The following RYR2 variants were observed in gnomAD, a reference collection of about 807,000 sequenced individuals.
RYR2 encodes cardiac muscle ryanodine receptor-calcium release channel.
In RYR2, 227 loss-of-function variants were observed where a neutral mutation model predicts 601.1. That is an observed-to-expected ratio of 0.38 (90% CI 0.34 to 0.42). The LOEUF is 0.42. Among genes scored for constraint, RYR2 ranks in the 10% least tolerant of loss-of-function variants. RYR2 has a pLI of 1.00. For missense variants in RYR2, 4,646 were observed against 6,156.5 expected (o/e 0.75, Z 8.21); for synonymous variants, 2,223 against 2,175.1 (o/e 1.02, Z -0.61).
In RYR2 at chr1:237,610,693, C is replaced by A; in HGVS notation, c.4684-69C>A. The A allele has an allele frequency of 7.9e-7, 1 of 1,262,702 alleles. No homozygotes were observed. The highest frequency in any genetic ancestry group is 1.4e-5 in the South Asian group (1 of 71,380). The allele number at this position is 1,262,702 out of a possible 1,614,324, so 78.2% of individuals were successfully genotyped here. A position where few individuals can be genotyped will look rare whatever the true frequency, so the allele number is the denominator to read the frequency against. On this transcript the variant is annotated intron_variant, in intron 35 of 104. Coordinates refer to ENST00000366574, the MANE Select transcript of RYR2 (RefSeq NM_001035.3). This position sits in a 1 kb window ranked among gnomAD's most constrained non-coding sequence, Gnocchi z 4.9. ...CCCTGTCTCTGTCCTGTGCAGAATT[C>A]TAGTCATTACTTTGTGAACCCCAAG...
Position 237,315,379 on chromosome 1 carries a change from ATTATT to A in RYR2, c.169-15495_169-15491del, listed in dbSNP as rs1169187134. 1.1e-4 allele frequency among the ~76,000 whole-genome samples: 17 copies of A among 152,210 alleles called. No homozygotes were observed. In the East Asian group the frequency reaches 3.3e-3, roughly 29 times the overall value. On this transcript the variant is annotated intron_variant, in intron 2 of 104. Coordinates refer to ENST00000366574, the MANE Select transcript of RYR2 (RefSeq NM_001035.3). ...TTTTAGACCATCATCAAGTTTTTAC[ATTATT>A]TTAACAATCTACTCTTGAAAAATCA...
chr1:237,382,516 TCCCTCCC>T (rs1701610670), intron 8 of RYR2, among the ~76,000 whole-genome samples: 2 of 111,082 alleles, frequency 1.8e-5, no homozygotes, highest in African/African-American at 7.4e-5. Context: ...CCTAATGTTA[TCCCTCCC>T]CCCTCCCCCC....
At chr1:237,628,318 C>A (rs1320967731) in intron 41 of RYR2, among the ~76,000 whole-genome samples, 1 of 151,706 alleles carries the variant, frequency 6.6e-6, no homozygotes, top group Non-Finnish European at 1.5e-5. Flanking sequence ...GCGCTGCACC[C>A]ACTAACTCGT....
In RYR2 at chr1:237,830,679, G is replaced by A. The variant is rs769301521; in HGVS notation, c.14756+49G>A. On this transcript the variant is annotated intron_variant, in intron 103 of 104. Coordinates refer to ENST00000366574, the MANE Select transcript of RYR2 (RefSeq NM_001035.3). ...TTCCACCTCTCCAGTAGACGCCACT[G>A]GTCCCTGCCCATCTCAGAATAGAGA... The A allele has an allele frequency of 1.0e-5, 9 of 890,090 alleles. No homozygotes were observed. In the East Asian group the frequency reaches 2.0e-4, roughly 19 times the overall value. The allele number at this position is 890,090 out of a possible 1,614,324, so 55.1% of individuals were successfully genotyped here.
At chr1:237,104,562 G>A (rs975372864) in intron 1 of RYR2, among the ~76,000 whole-genome samples, 2 of 152,264 alleles carry the variant, frequency 1.3e-5, no homozygotes, top group Middle Eastern at 3.4e-3. Flanking sequence ...TGCAGGTGCT[G>A]TTCCCTTGCC....
chr1:237,488,750 A>C (rs1377152313), intron 17 of RYR2, among the ~76,000 whole-genome samples: 2 of 151,978 alleles, frequency 1.3e-5, no homozygotes, highest in Non-Finnish European at 2.9e-5. Context: ...TACTTTGTAC[A>C]CCTACCCCAA....
At chr1:237,315,955 A>G (rs1380076767) in intron 2 of RYR2, among the ~76,000 whole-genome samples, 2 of 152,164 alleles carry the variant, frequency 1.3e-5, no homozygotes, top group African/African-American at 4.8e-5. Context: ...AATCTCTGAC[A>G]GGTCTAACGT....
At chr1:237,315,875 A>G (rs1054692539) in intron 2 of RYR2, among the ~76,000 whole-genome samples, 1 of 152,248 alleles carries the variant, frequency 6.6e-6, no homozygotes, top group Non-Finnish European at 1.5e-5. Flanking sequence ...CTTTATACCA[A>G]AAATTTAAGA....
At chr1:237,248,390 A>C (rs1179380683) in intron 1 of RYR2, among the ~76,000 whole-genome samples, 1 of 149,816 alleles carries the variant, frequency 6.7e-6, no homozygotes, top group Non-Finnish European at 1.5e-5. Context: ...TATTTGACTA[A>C]GTCATGTTTT....
At chr1:237,437,375 C>T (rs1452164597) in intron 12 of RYR2, among the ~76,000 whole-genome samples, 1 of 152,094 alleles carries the variant, frequency 6.6e-6, no homozygotes, top group African/African-American at 2.4e-5. Context: ...TTTTAATATT[C>T]ATTTGAAAAT....
intron 3 of RYR2, among the ~76,000 whole-genome samples, chr1:237,350,312 A>G (rs1353747937): frequency 6.6e-6 from 1 of 151,886 alleles, no homozygotes; most frequent in Non-Finnish European, 1.5e-5. Context: ...GCTGTGGCTC[A>G]TGCCTGTAAT....
intron 10 of RYR2, among the ~76,000 whole-genome samples, chr1:237,413,711 AC>A (rs1704662777): frequency 6.6e-6 from 1 of 152,064 alleles, no homozygotes; most frequent in Non-Finnish European, 1.5e-5. Context: ...GATAACTTGC[AC>A]AGAAAATGTA....
At chr1:237,202,495 C>T (rs1263688060) in intron 1 of RYR2, among the ~76,000 whole-genome samples, 1 of 152,112 alleles carries the variant, frequency 6.6e-6, no homozygotes, top group Non-Finnish European at 1.5e-5. Flanking sequence ...GCAACCTCCA[C>T]CTCCTGGCTT....
chr1:237,338,788 T>C (rs921328185), intron 3 of RYR2, among the ~76,000 whole-genome samples: 2 of 152,300 alleles, frequency 1.3e-5, no homozygotes, highest in Admixed American at 6.5e-5. Context: ...AGATCAAGGA[T>C]CAAAATGAAA....
rs375456172 is a variant in RYR2 at position 237,819,095 on chromosome 1, C to A, written c.14493C>A (p.Ile4831=). Residue 4831 remains isoleucine, a synonymous_variant, in exon 101 of 105, where the codon ATC becomes ATA. Transcript: ENST00000366574. This position sits in a 1 kb window ranked among gnomAD's most constrained non-coding sequence, Gnocchi z 4.0. ...CTGGAGGAGGGATCGGGGATGAAAT[C>A]GAAGACCCAGCAGGAGATGAATATG... is the stretch of plus-strand genomic sequence containing the variant. ...VRAGGGIGDE[I]EDPAGDEYEI... is the part of the protein sequence containing the mutation. The A allele has an allele frequency of 5.6e-6, 9 of 1,613,590 alleles. No homozygotes were observed. The Admixed American group carries it at 8.3e-5, about 15-fold the overall frequency.
intron 8 of RYR2, among the ~76,000 whole-genome samples, chr1:237,379,683 A>G (rs1701292739): frequency 6.6e-6 from 1 of 152,152 alleles, no homozygotes; most frequent in Non-Finnish European, 1.5e-5. Context: ...AGGCTGGAGT[A>G]CTGTGGCCAT....
Position 237,610,177 on chromosome 1 carries a change from T to G in RYR2, c.4684-585T>G, listed in dbSNP as rs969223420. On this transcript the variant is annotated intron_variant, in intron 35 of 104. Transcript: ENST00000366574. This position sits in a 1 kb window ranked among gnomAD's most constrained non-coding sequence, Gnocchi z 4.9. ...TTTCTTTGACACCAGACAGAAAGAA[T>G]TAAGGATGGCTGAAGATGATACTGG... Among the ~76,000 whole-genome samples the G allele has an allele frequency of 1.2e-4, 18 of 152,182 alleles. No individual in the cohort carries two copies. Among genetic ancestry groups the G allele is most frequent in the Non-Finnish European group, 2.4e-4 (16 of 68,034 alleles).
intron 98 of RYR2, among the ~76,000 whole-genome samples, chr1:237,803,801 T>TTTGA (rs2149428227): frequency 6.6e-6 from 1 of 152,342 alleles, no homozygotes; most frequent in East Asian, 1.9e-4. Context: ...AATGCATGTA[T>TTTGA]TTGATTATTT....
chr1:237,358,258 AAT>A (rs982871346), intron 4 of RYR2, among the ~76,000 whole-genome samples: 4 of 152,154 alleles, frequency 2.6e-5, no homozygotes, highest in Non-Finnish European at 5.9e-5. Context: ...AAATCTGTAT[AAT>A]AGGTGAACTT....
Sources: gnomAD v4.1 joint callset for allele counts (sites outside exome capture counted in the v4.1 genomes callset) on GRCh38, gnomAD v4.1.1 for gene constraint, Gnocchi (gnomAD v3.1) non-coding constraint, MANE v1.5 for transcripts, NCBI Gene and HGNC (gene_info 2026-07-23, HGNC 2026-07-21) for gene names.